The following LMBR1 variants were observed in gnomAD, a reference collection of about 807,000 sequenced individuals.
LMBR1 encodes the protein limb region 1 protein homolog.
In LMBR1, 52 loss-of-function variants were observed where a neutral mutation model predicts 73.9. The ratio of observed to expected loss-of-function variants is 0.70; its 90% confidence interval spans 0.56 to 0.89. The LOEUF (loss-of-function observed/expected upper bound fraction) is 0.89, where lower values mean the gene tolerates loss of function less well. Among genes scored for constraint, LMBR1 ranks in the 40% least tolerant of loss-of-function variants. LMBR1 has a pLI of 0.00. For synonymous variants in LMBR1, 215 were observed against 209.4 expected, an observed-to-expected ratio of 1.03 and a Z score of -0.23; for missense variants, 539 against 579.8, an observed-to-expected ratio of 0.93 and a Z score of 0.72.
At chr7:156,674,323 GT>G (rs1376135999), downstream of LMBR1, among the ~76,000 whole-genome samples, 2 of 152,198 alleles carry the variant, frequency 1.3e-5, no homozygotes, top group Non-Finnish European at 2.9e-5. Flanking sequence ...ACTACTTCAC[GT>G]GGCCCCACCT....
chr7:156,675,858 G>GTGCA (rs775805868), downstream of LMBR1: 57 of 1,613,004 alleles, frequency 3.5e-5, no homozygotes, highest in Non-Finnish European at 4.8e-5. Flanking sequence ...GAAAATCCAA[G>GTGCA]TGCAGGTAGG....
chr7:156,734,037 T>C (rs1255932340), intron 10 of LMBR1, 140 bp downstream of exon 10: 1 of 520,476 alleles, frequency 1.9e-6, no homozygotes, highest in Non-Finnish European at 3.4e-6. Flanking sequence ...AACTGTAAGA[T>C]AGTCTTTATT....
intron 16 of LMBR1, 61 bp from the exon 17 acceptor site, chr7:156,684,224 T>C (rs1805530742): frequency 7.8e-7 from 1 of 1,289,144 alleles, no homozygotes; most frequent in Non-Finnish European, 1.1e-6. Context: ...GGGAAAGGGT[T>C]AGGGTAGGGA....
At chr7:156,748,391 T>C (rs1468229080) in intron 9 of LMBR1, among the ~76,000 whole-genome samples, 1 of 152,194 alleles carries the variant, frequency 6.6e-6, no homozygotes, top group Non-Finnish European at 1.5e-5. Context: ...AACTTTTATG[T>C]TTATATAAGC....
intron 5 of LMBR1, among the ~76,000 whole-genome samples, chr7:156,772,580 G>A (rs6974103): frequency 4.1e-4 from 62 of 152,250 alleles, no homozygotes; most frequent in African/African-American, 1.3e-3. Context: ...GGGTGTGGTG[G>A]CTCGCACCTG....
chr7:156,851,184 T>C (rs1796186649), intron 1 of LMBR1, among the ~76,000 whole-genome samples: 1 of 152,166 alleles, frequency 6.6e-6, no homozygotes, highest in African/African-American at 2.4e-5. Context: ...CAGGTATTCC[T>C]TTACAGCAAC....
At chr7:156,815,153 T>C (rs1833706776) in intron 4 of LMBR1, among the ~76,000 whole-genome samples, 1 of 99,202 alleles carries the variant, frequency 1.0e-5, no homozygotes, top group Admixed American at 1.2e-4. Context: ...TGAAACTCCG[T>C]CTCAAAAAAA....
At chr7:156,819,039 A>G (rs372179668) in intron 4 of LMBR1, among the ~76,000 whole-genome samples, 39 of 152,324 alleles carry the variant, frequency 2.6e-4, no homozygotes, top group African/African-American at 9.1e-4. Flanking sequence ...AGGCCAGAGG[A>G]TCATCATCAG....
intron 9 of LMBR1, among the ~76,000 whole-genome samples, chr7:156,755,718 A>G (rs1821737277): frequency 6.6e-6 from 1 of 152,232 alleles, no homozygotes; most frequent in South Asian, 2.1e-4. Context: ...GTTTATCTGT[A>G]TCGAATTATA....
chr7:156,714,207 G>A (rs947150444), intron 15 of LMBR1, among the ~76,000 whole-genome samples: 1 of 152,196 alleles, frequency 6.6e-6, no homozygotes, highest in Non-Finnish European at 1.5e-5. Flanking sequence ...AGAGCTTTAT[G>A]GAGGAAAAGA....
intron 15 of LMBR1, among the ~76,000 whole-genome samples, chr7:156,698,283 G>A (rs1380918951): frequency 6.6e-6 from 1 of 152,166 alleles, no homozygotes; most frequent in Admixed American, 6.5e-5. Context: ...GGTTTTCCAG[G>A]CACACAGTGC....
At chr7:156,744,163 G>A (rs563251688) in intron 9 of LMBR1, among the ~76,000 whole-genome samples, 28 of 152,084 alleles carry the variant, frequency 1.8e-4, no homozygotes, top group African/African-American at 6.0e-4. Context: ...CCCACCTCCC[G>A]AGTAGCTGGG....
At chr7:156,694,772 A>G (rs996331340) in intron 15 of LMBR1, among the ~76,000 whole-genome samples, 1 of 152,252 alleles carries the variant, frequency 6.6e-6, no homozygotes. Context: ...TCTATACACT[A>G]AGAATGGACT....
rs1357442970 is a variant in LMBR1, at chr7:156,688,108, G to A, written c.1309C>T (p.Leu437Phe). ...NFYIVLSYNL[L>F]FAIVTTLCLV... ...CACAATGTTGTCACAATAGCAAAAA[G>A]CAAATTGTAGGATAATACAATATAG... The change falls in exon 16 of 17, where the codon CTT becomes TTT. Residue 437 changes from leucine (L) to phenylalanine (F), a missense_variant. By Grantham distance (22) the Leu-to-Phe change is conservative (BLOSUM62 0). Transcript: ENST00000353442. The A allele has an allele frequency of 1.2e-6, 2 of 1,612,612 alleles. No individual in the cohort carries two copies. Among genetic ancestry groups the A allele is most frequent in the Non-Finnish European group, 1.7e-6 (2 of 1,179,336 alleles).
intron 15 of LMBR1, among the ~76,000 whole-genome samples, chr7:156,723,800 C>T (rs1420958338): frequency 6.6e-6 from 1 of 152,066 alleles, no homozygotes; most frequent in Non-Finnish European, 1.5e-5. Context: ...TAGTTTAATG[C>T]AGTTTCCTCA....
intron 15 of LMBR1, among the ~76,000 whole-genome samples, chr7:156,708,295 G>A (rs1811390422): frequency 6.6e-6 from 1 of 152,186 alleles, no homozygotes; most frequent in African/African-American, 2.4e-5. Context: ...AATTCCATGA[G>A]ACACAGGCAA....
intron 4 of LMBR1, among the ~76,000 whole-genome samples, chr7:156,801,434 A>G (rs1365696570): frequency 6.6e-6 from 1 of 152,194 alleles, no homozygotes; most frequent in African/African-American, 2.4e-5. Flanking sequence ...AAATCAAAAA[A>G]TTTGTGTGAT....
chr7:156,797,242 A>G (rs888883624), intron 4 of LMBR1, among the ~76,000 whole-genome samples: 1 of 152,222 alleles, frequency 6.6e-6, no homozygotes, highest in African/African-American at 2.4e-5. Context: ...ATAAGAACAG[A>G]TTTAGCAAAA....
chr7:156,824,542 T>G lies in LMBR1; in HGVS notation c.319+2063A>C, dbSNP rs1311887064. Among the ~76,000 whole-genome samples, 5 of 152,230 alleles carry G rather than the reference T, an allele frequency of 3.3e-5. No homozygotes were observed. In the South Asian group the frequency reaches 8.3e-4, roughly 25 times the overall value. On this transcript the variant is annotated intron_variant, in intron 4 of 16. Coordinates refer to ENST00000353442, the MANE Select transcript of LMBR1 (RefSeq NM_022458.4). ...CCACAGCCTTCTACAGCAACTCAAG[T>G]AATCACGTGTCACACATAAAAAGTG...
Sources: gnomAD v4.1 joint callset for allele counts (sites outside exome capture counted in the v4.1 genomes callset) on GRCh38, gnomAD v4.1.1 for gene constraint, MANE v1.5 for transcripts, NCBI Gene and HGNC (gene_info 2026-07-23, HGNC 2026-07-21) for gene names.